The following ADGRE3 variants were observed in gnomAD, a reference collection of about 807,000 sequenced individuals.
ADGRE3 encodes EGF-like module receptor 3.
In ADGRE3, 88 loss-of-function variants were observed where a neutral mutation model predicts 80.1. The ratio of observed to expected loss-of-function variants is 1.10; its 90% confidence interval spans 0.93 to 1.31. The LOEUF (loss-of-function observed/expected upper bound fraction) is 1.31, where lower values mean the gene tolerates loss of function less well. Ranked by LOEUF, ADGRE3 falls within the 40% of genes most tolerant of loss-of-function variation. The probability of loss-of-function intolerance (pLI) is 0.00; values close to 1 mark genes in which losing one functional copy is unlikely to be tolerated. For synonymous variants in ADGRE3, 281 were observed against 294.8 expected (o/e 0.95, Z 0.48); for missense variants, 715 against 776.5 (o/e 0.92, Z 0.94).
At chr19:14,626,530 T>G (rs1290011986) in intron 14 of ADGRE3, among the ~76,000 whole-genome samples, 2 of 152,184 alleles carry the variant, frequency 1.3e-5, no homozygotes, top group African/African-American at 4.8e-5. Flanking sequence ...AATTCCTCAA[T>G]CTAGTGAAAA....
At chr19:14,621,314 G>A (rs1029230111) in intron 15 of ADGRE3, among the ~76,000 whole-genome samples, 1 of 152,056 alleles carries the variant, frequency 6.6e-6, no homozygotes, top group African/African-American at 2.4e-5. Context: ...AATTAGCCGG[G>A]TGTGGTGGCG....
the ADGRE3 span, among the ~76,000 whole-genome samples, chr19:14,611,526 C>G: frequency 6.6e-6 from 1 of 151,882 alleles, no homozygotes; most frequent in East Asian, 1.9e-4. Flanking sequence ...TACAGGCGTT[C>G]ACCCTCACAC....
downstream of ADGRE3, among the ~76,000 whole-genome samples, chr19:14,617,613 G>T (rs1288416733): frequency 6.6e-6 from 1 of 151,670 alleles, no homozygotes; most frequent in African/African-American, 2.4e-5. Flanking sequence ...GGATAGGCTG[G>T]TCTCGAACTC....
intron 6 of ADGRE3, among the ~76,000 whole-genome samples, chr19:14,654,246 C>T (rs535102249): frequency 4.1e-5 from 6 of 147,320 alleles, no homozygotes; most frequent in African/African-American, 1.5e-4. Flanking sequence ...AGCCACCATG[C>T]CCAGCCCAAA....
In ADGRE3 at chr19:14,651,217, G is replaced by A. The variant is rs752376756; in HGVS notation, c.578-13C>T. The A allele has an allele frequency of 1.2e-5, 20 of 1,613,936 alleles. No individual in the cohort carries two copies. The East Asian group carries it at 4.0e-4, about 32-fold the overall frequency. On this transcript the variant is annotated splice_polypyrimidine_tract_variant and intron_variant, in intron 6 of 15. Coordinates refer to ENST00000253673, the MANE Select transcript of ADGRE3 (RefSeq NM_032571.5). ...TGAGTTTCAATAGCTGGTAAGAAAA[G>A]CAATGGGCAGGCTTAGTGATATTGT...
intron 13 of ADGRE3, among the ~76,000 whole-genome samples, chr19:14,632,137 A>G (rs1173315805): frequency 6.6e-6 from 1 of 152,216 alleles, no homozygotes; most frequent in East Asian, 1.9e-4. Context: ...TGGTATATGT[A>G]CAGAGAGTTT....
rs781492965 is a variant in ADGRE3 at position 14,638,301 on chromosome 19, A to G, written c.1288T>C (p.Tyr430His). The G allele has an allele frequency of 2.5e-6, 4 of 1,614,046 alleles. No individual in the cohort carries two copies. The highest frequency in any genetic ancestry group is 3.4e-6 in the Non-Finnish European group (4 of 1,179,924). Reference protein sequence around the residue: ...SIIAGALHYLYLAAFTWMLLE... With the variant: ...SIIAGALHYLHLAAFTWMLLE... ...AGCATCCAGGTGAAGGCGGCCAGGT[A>G]GAGATAGTGCAAAGCACCGGCGATG... The change falls in exon 11 of 16, where the codon TAC (tyrosine) becomes CAC (histidine). Residue 430 changes from tyrosine (Y) to histidine (H), a missense_variant. Tyr to His is a moderately conservative substitution (Grantham distance 83). Transcript: ENST00000253673.
chr19:14,632,402 C>A (rs1246649010), intron 13 of ADGRE3, among the ~76,000 whole-genome samples: 2 of 151,964 alleles, frequency 1.3e-5, no homozygotes, highest in Non-Finnish European at 2.9e-5. Flanking sequence ...GATCTCTTCC[C>A]CTTTGAGTTT....
At chr19:14,639,775 G>C (rs1178592309) in intron 10 of ADGRE3, among the ~76,000 whole-genome samples, 1 of 152,054 alleles carries the variant, frequency 6.6e-6, no homozygotes, top group Non-Finnish European at 1.5e-5. Context: ...ATAGCTCTCT[G>C]CCCTCCCCCT....
At chr19:14,606,595 G>A in the ADGRE3 span, among the ~76,000 whole-genome samples, 18,525 of 150,388 alleles carry the variant, frequency 0.12, 1,494 homozygotes, top group African/African-American at 0.24. Flanking sequence ...CGGGAGAATC[G>A]CTTGAACCCA....
intron 14 of ADGRE3, among the ~76,000 whole-genome samples, chr19:14,627,944 C>T (rs1970777946): frequency 6.6e-6 from 1 of 151,718 alleles, no homozygotes; most frequent in South Asian, 2.1e-4. Flanking sequence ...GCCTGACCAA[C>T]ATGGAGAAAC....
At chr19:14,632,716 C>CTTTT (rs58638702) in intron 13 of ADGRE3, among the ~76,000 whole-genome samples, 10 of 148,052 alleles carry the variant, frequency 6.8e-5, no homozygotes, top group African/African-American at 1.7e-4. Flanking sequence ...CTATTTTATT[C>CTTTT]TTTTTTTTTT....
chr19:14,607,589 A>T, the ADGRE3 span, among the ~76,000 whole-genome samples: 1 of 134,418 alleles, frequency 7.4e-6, no homozygotes, highest in African/African-American at 2.6e-5. Context: ...TTATTTATTT[A>T]TTCTTTGAGA....
chr19:14,617,374 C>CTTTAT (rs755354639), downstream of ADGRE3, among the ~76,000 whole-genome samples: 2 of 95,656 alleles, frequency 2.1e-5, no homozygotes, highest in African/African-American at 4.3e-5. Context: ...TTCTTTCTTT[C>CTTTAT]TTCCTTTCTT....
intron 14 of ADGRE3, among the ~76,000 whole-genome samples, chr19:14,626,107 C>T (rs1970732384): frequency 8.7e-6 from 1 of 114,770 alleles, no homozygotes; most frequent in African/African-American, 3.2e-5. Context: ...TGTTTTACCA[C>T]AGTAAACATT....
At position 14,620,568 on chromosome 19, in the gene ADGRE3, ATTTTTTTTTTTT is replaced by A. The variant is rs1189295641; in HGVS notation, c.1921-1109_1921-1098del. Among the ~76,000 whole-genome samples the A allele has an allele frequency of 4.9e-3, 54 of 11,030 alleles. 8 individuals carry two copies. The highest frequency in any genetic ancestry group is 0.047 in the East Asian group (16 of 340). 7.2% of individuals were successfully genotyped at this position (11,030 alleles called of 152,430 possible). On this transcript the variant is annotated intron_variant, in intron 15 of 15. Coordinates refer to ENST00000253673, the MANE Select transcript of ADGRE3 (RefSeq NM_032571.5). ...ATATATTATATATATATATATATAT[ATTTTTTTTTTTT>A]TTTTTTTTTTTTTTTTTGAGACAGG...
chr19:14,642,560 T>G (rs1026050020), intron 9 of ADGRE3, among the ~76,000 whole-genome samples: 3 of 152,188 alleles, frequency 2.0e-5, no homozygotes, highest in African/African-American at 7.2e-5. Context: ...TTAGTTATTT[T>G]TCCTGGTCCT....
intron 5 of ADGRE3, among the ~76,000 whole-genome samples, chr19:14,658,066 G>T: frequency 6.6e-6 from 1 of 152,034 alleles, no homozygotes; most frequent in East Asian, 1.9e-4. Flanking sequence ...CGCCAAGCCC[G>T]GCAATACTGT....
At chr19:14,671,611 G>A (rs114720467) in intron 1 of ADGRE3, among the ~76,000 whole-genome samples, 109 of 152,096 alleles carry the variant, frequency 7.2e-4, no homozygotes, top group African/African-American at 2.5e-3. Context: ...GATGTCTCTG[G>A]GGGGACTGTT....
Sources: allele counts gnomAD v4.1 joint callset (sites outside exome capture counted in the v4.1 genomes callset), GRCh38; gene constraint gnomAD v4.1.1; transcripts MANE v1.5; gene names NCBI Gene and HGNC (gene_info 2026-07-23, HGNC 2026-07-21).